The following EEIG1 variants were observed in gnomAD, a reference collection of about 807,000 sequenced individuals.
The protein encoded by EEIG1 is estrogen-induced osteoclastogenesis regulator 1.
At chr9:127,971,923 C>G in the EEIG1 span, among the ~76,000 whole-genome samples, 1 of 152,158 alleles carries the variant, frequency 6.6e-6, no homozygotes, top group Non-Finnish European at 1.5e-5. Flanking sequence ...GGCACAGAAA[C>G]CAGAAGGGCG....
the EEIG1 span, among the ~76,000 whole-genome samples, chr9:127,968,604 T>A: frequency 6.6e-6 from 1 of 152,276 alleles, no homozygotes; most frequent in East Asian, 1.9e-4. Flanking sequence ...GGTAGGGCCA[T>A]ATTCTCTGCA....
chr9:127,953,669 C>G, the EEIG1 span: 1 of 1,607,282 alleles, frequency 6.2e-7, no homozygotes, highest in South Asian at 1.1e-5. Context: ...CATGCATCTC[C>G]CACAATCCCC....
the EEIG1 span, chr9:127,943,079 G>A: frequency 1.1e-6 from 1 of 923,964 alleles, no homozygotes; most frequent in South Asian, 1.4e-5. Flanking sequence ...CATGGAGGAG[G>A]CATGGATGAG....
the EEIG1 span, chr9:127,944,833 G>T: frequency 6.2e-7 from 1 of 1,612,164 alleles, no homozygotes. Context: ...CTCCACGATG[G>T]CATCCGCATC....
At chr9:127,962,397 A>G in the EEIG1 span, among the ~76,000 whole-genome samples, 1 of 152,146 alleles carries the variant, frequency 6.6e-6, no homozygotes, top group Non-Finnish European at 1.5e-5. Flanking sequence ...TTCTTAAAGC[A>G]CACCTGACCA....
chr9:127,974,290 ACG>A, the EEIG1 span, among the ~76,000 whole-genome samples: 1 of 152,128 alleles, frequency 6.6e-6, no homozygotes, highest in Non-Finnish European at 1.5e-5. Context: ...CAACCAGGCC[ACG>A]TGGCTCCACT....
the EEIG1 span, among the ~76,000 whole-genome samples, chr9:127,945,988 GGAA>G: frequency 1.3e-5 from 2 of 152,242 alleles, no homozygotes; most frequent in African/African-American, 2.4e-5. The surrounding 1 kb of genome is among the most constrained non-coding windows in gnomAD (Gnocchi z 6.5). Flanking sequence ...AGGTCAGCGA[GGAA>G]GAAGAACGCT....
chr9:127,945,790 G>A, the EEIG1 span: 1 of 1,355,344 alleles, frequency 7.4e-7, no homozygotes, highest in Non-Finnish European at 1.0e-6. The surrounding 1 kb of genome is among the most constrained non-coding windows in gnomAD (Gnocchi z 6.5). Flanking sequence ...GAGGTGACAG[G>A]GGTCACCCAG....
At chr9:127,952,785 T>C in the EEIG1 span, among the ~76,000 whole-genome samples, 1 of 152,096 alleles carries the variant, frequency 6.6e-6, no homozygotes, top group Non-Finnish European at 1.5e-5. Flanking sequence ...CAATCTCGGC[T>C]CTCTGTAACC....
chr9:127,950,697 A>G, the EEIG1 span: 1 of 1,419,248 alleles, frequency 7.0e-7, no homozygotes, highest in Non-Finnish European at 9.2e-7. Flanking sequence ...ACTGGGACCC[A>G]AGGACAGAGG....
At chr9:127,965,077 C>T in the EEIG1 span, among the ~76,000 whole-genome samples, 10 of 126,062 alleles carry the variant, frequency 7.9e-5, no homozygotes, top group Non-Finnish European at 6.2e-5. Context: ...CCATCGCACT[C>T]CAGCCTGGGT....
chr9:127,954,919 G>A, the EEIG1 span, among the ~76,000 whole-genome samples: 1 of 152,246 alleles, frequency 6.6e-6, no homozygotes, highest in Non-Finnish European at 1.5e-5. Flanking sequence ...GTGGGAGCCA[G>A]TGGCAGCAGC....
At chr9:127,980,178 G>A in the EEIG1 span, 6 of 1,590,152 alleles carry the variant, frequency 3.8e-6, no homozygotes, top group South Asian at 6.8e-5. Flanking sequence ...GGCGAAAAAA[G>A]GTGGAGAGGG....
the EEIG1 span, chr9:127,945,607 G>A: frequency 6.4e-7 from 1 of 1,563,698 alleles, no homozygotes; most frequent in African/African-American, 1.4e-5. This position sits in a 1 kb window ranked among gnomAD's most constrained non-coding sequence, Gnocchi z 6.5. Flanking sequence ...GGGATCCCGA[G>A]GAAGGAGGAG....
At chr9:127,946,422 C>T in the EEIG1 span, among the ~76,000 whole-genome samples, 1 of 152,242 alleles carries the variant, frequency 6.6e-6, no homozygotes, top group African/African-American at 2.4e-5. Flanking sequence ...ATCCACCTGC[C>T]TTCCCGCCCA....
chr9:127,944,327 C>T, the EEIG1 span: 5 of 545,702 alleles, frequency 9.2e-6, no homozygotes, highest in South Asian at 1.2e-4. Context: ...CGTGTGAGGC[C>T]CCTGCCATGT....
At chr9:127,979,735 G>C in the EEIG1 span, among the ~76,000 whole-genome samples, 1 of 152,244 alleles carries the variant, frequency 6.6e-6, no homozygotes, top group African/African-American at 2.4e-5. Flanking sequence ...CAAGTCTGCA[G>C]AATGGACCTA....
the EEIG1 span, among the ~76,000 whole-genome samples, chr9:127,955,595 G>A: frequency 2.0e-5 from 3 of 152,238 alleles, no homozygotes; most frequent in African/African-American, 7.2e-5. Context: ...ATGACTCATT[G>A]TCACCAGGAG....
the EEIG1 span, among the ~76,000 whole-genome samples, chr9:127,976,581 C>A: frequency 1.3e-5 from 2 of 152,244 alleles, no homozygotes; most frequent in African/African-American, 4.8e-5. This position sits in a 1 kb window ranked among gnomAD's most constrained non-coding sequence, Gnocchi z 4.1. Flanking sequence ...GCACAGAGTG[C>A]AGGAGCTCAG....
Sources: allele counts gnomAD v4.1 joint callset (sites outside exome capture counted in the v4.1 genomes callset), GRCh38; gene constraint gnomAD v4.1.1; non-coding constraint Gnocchi (gnomAD v3.1); transcripts MANE v1.5; gene names NCBI Gene and HGNC (gene_info 2026-07-23, HGNC 2026-07-21).